TIAM2: variants seen among roughly 807,000 people sequenced by gnomAD.
The protein encoded by TIAM2 is rho guanine nucleotide exchange factor TIAM2.
Under a neutral mutation model 152.9 loss-of-function variants are expected in TIAM2, and 80 were observed. That is an observed-to-expected ratio of 0.52 (90% confidence interval 0.44 to 0.63). The LOEUF (loss-of-function observed/expected upper bound fraction) is 0.63. TIAM2 is among the 30% of genes least tolerant of loss of function. TIAM2 has a pLI of 0.00. For missense variants in TIAM2, 1,965 were observed against 2,120.1 expected (o/e 0.93, Z 1.44); for synonymous variants, 804 against 838.0 (o/e 0.96, Z 0.70).
intron 2 of TIAM2, among the ~76,000 whole-genome samples, chr6:155,108,582 T>C (rs1002812799): frequency 3.9e-5 from 6 of 152,210 alleles, no homozygotes; most frequent in African/African-American, 1.4e-4. Context: ...CTTTTTTCAA[T>C]ACTTTAGTGC....
At chr6:155,123,412 A>G (rs1295717778) in intron 2 of TIAM2, among the ~76,000 whole-genome samples, 4 of 152,192 alleles carry the variant, frequency 2.6e-5, no homozygotes, top group Admixed American at 6.5e-5. Context: ...TGTGTAGCAC[A>G]TGAATTGCTG....
intron 17 of TIAM2, among the ~76,000 whole-genome samples, chr6:155,244,426 C>G (rs946663116): frequency 6.6e-6 from 1 of 152,202 alleles, no homozygotes; most frequent in Non-Finnish European, 1.5e-5. Context: ...GAGAATTTTA[C>G]ATCCACTTAA....
At chr6:155,252,134 C>G in intron 23 of TIAM2, 131 bp downstream of exon 23, 1 of 667,752 alleles carries the variant, frequency 1.5e-6, no homozygotes, top group Non-Finnish European at 2.6e-6. Context: ...GGTAACTAAC[C>G]CCATCACATA....
chr6:155,175,254 G>A (rs1370280332), intron 9 of TIAM2, among the ~76,000 whole-genome samples: 1 of 152,176 alleles, frequency 6.6e-6, no homozygotes, highest in Admixed American at 6.5e-5. Flanking sequence ...TGAGCACCAT[G>A]TTTTCAAAAA....
intron 15 of TIAM2, chr6:155,217,057 G>A (rs1781878171): frequency 7.8e-7 from 1 of 1,289,414 alleles, no homozygotes; most frequent in African/African-American, 1.5e-5. Flanking sequence ...GAGGGAGCAG[G>A]TTTCTTTGAA....
chr6:155,160,545 C>T (rs1006642209), intron 7 of TIAM2, among the ~76,000 whole-genome samples: 2 of 152,110 alleles, frequency 1.3e-5, no homozygotes, highest in Non-Finnish European at 2.9e-5. Flanking sequence ...GCGGGTGGAT[C>T]GCTTTGAACT....
chr6:155,168,981 TG>T (rs1780509595), intron 9 of TIAM2: 1 of 1,389,018 alleles, frequency 7.2e-7, no homozygotes, highest in Non-Finnish European at 9.6e-7. Flanking sequence ...TAACTTTTTC[TG>T]TTTTTTTTTG....
chr6:155,003,970 C>G (rs978532059), intron 1 of TIAM2, among the ~76,000 whole-genome samples: 3 of 152,192 alleles, frequency 2.0e-5, no homozygotes, highest in African/African-American at 4.8e-5. Flanking sequence ...CCAACTCCCC[C>G]CAGAAAAGTG....
intron 21 of TIAM2, 81 bp from the exon 22 acceptor site, chr6:155,250,832 T>C: frequency 1.4e-6 from 2 of 1,387,634 alleles, no homozygotes; most frequent in Non-Finnish European, 1.0e-6. Flanking sequence ...TAGCAATGAC[T>C]GTGTGTACAT....
chr6:155,083,766 T>C (rs1159774629), intron 1 of TIAM2, among the ~76,000 whole-genome samples: 2 of 152,238 alleles, frequency 1.3e-5, no homozygotes, highest in Non-Finnish European at 2.9e-5. Context: ...TAGATACCAA[T>C]GCTAAGTCAA....
Position 155,144,649 on chromosome 6 carries a change from G to A in TIAM2, c.1674G>A (p.Met558Ile). ...ATGAGACCTATGGGAAGAATTCCAT[G>A]GATCAGAGCAGTGCCCCTCGGTGTG... The part of the protein sequence containing the change: ...LFYETYGKNS[M>I]DQSSAPRCAL... Residue 558 changes from methionine to isoleucine, a missense_variant, in exon 6 of 27, where the codon ATG (methionine) becomes ATA (isoleucine). Coordinates refer to ENST00000682666, the MANE Select transcript of TIAM2 (RefSeq NM_012454.4). 6.4e-7 allele frequency: 1 copy of A among 1,570,640 alleles called. No individual in the cohort carries two copies. The highest frequency in any genetic ancestry group is 1.2e-5 in the South Asian group (1 of 82,168).
chr6:155,189,362 T>A (rs1023391334), intron 14 of TIAM2, among the ~76,000 whole-genome samples: 56 of 152,130 alleles, frequency 3.7e-4, no homozygotes, highest in African/African-American at 1.3e-3. Context: ...TTTTTTTTTT[T>A]AAATCAGAAA....
intron 1 of TIAM2, among the ~76,000 whole-genome samples, chr6:155,042,977 A>G (rs1777082283): frequency 6.6e-6 from 1 of 152,096 alleles, no homozygotes; most frequent in Non-Finnish European, 1.5e-5. Context: ...TCGTCATGAT[A>G]ATTACTTTGT....
At chr6:155,076,117 T>G (rs1197512978) in intron 1 of TIAM2, among the ~76,000 whole-genome samples, 1 of 152,126 alleles carries the variant, frequency 6.6e-6, no homozygotes, top group Non-Finnish European at 1.5e-5. Flanking sequence ...ATTTTCCACT[T>G]GCGGTGTCAT....
chr6:155,042,276 A>C (rs1982769), intron 1 of TIAM2, among the ~76,000 whole-genome samples: 37,648 of 151,534 alleles, frequency 0.25, 4,735 homozygotes, highest in Middle Eastern at 0.29. Context: ...GGGCTTGGTA[A>C]GTTTGGCCTA....
At chr6:155,009,205 G>T (rs545719834) in intron 1 of TIAM2, among the ~76,000 whole-genome samples, 1 of 146,056 alleles carries the variant, frequency 6.8e-6, no homozygotes, top group East Asian at 2.1e-4. Flanking sequence ...GGGTTCGGGC[G>T]ATTCTTGCAC....
chr6:155,029,702 T>C (rs1396451713), intron 1 of TIAM2, among the ~76,000 whole-genome samples: 1 of 140,500 alleles, frequency 7.1e-6, no homozygotes, highest in African/African-American at 2.6e-5. Context: ...TATAGAGATA[T>C]ATAACTATAT....
At chr6:155,047,155 T>G (rs984140863) in intron 1 of TIAM2, among the ~76,000 whole-genome samples, 2 of 152,152 alleles carry the variant, frequency 1.3e-5, no homozygotes, top group African/African-American at 4.8e-5. Context: ...AGTCCCTGAT[T>G]GTCCAGCACC....
chr6:154,997,180 G>A (rs1045069893), intron 1 of TIAM2, among the ~76,000 whole-genome samples: 2 of 152,136 alleles, frequency 1.3e-5, no homozygotes, highest in Non-Finnish European at 2.9e-5. Context: ...TGCTTACACT[G>A]TTCTTACTCC....
Sources: gnomAD v4.1 joint callset for allele counts (sites outside exome capture counted in the v4.1 genomes callset) on GRCh38, gnomAD v4.1.1 for gene constraint, MANE v1.5 for transcripts, NCBI Gene and HGNC (gene_info 2026-07-23, HGNC 2026-07-21) for gene names.